CHAT: variants seen among roughly 807,000 people sequenced by gnomAD.
The protein encoded by CHAT is choline O-acetyltransferase.
Under a neutral mutation model 76.9 loss-of-function variants are expected in CHAT, and 61 were observed. The ratio of observed to expected loss-of-function variants is 0.79; its 90% confidence interval spans 0.65 to 0.98. The LOEUF is 0.98. Ranked by LOEUF, CHAT falls within the 50% of genes least tolerant of loss-of-function variation. The pLI is 0.00. For missense variants in CHAT, 946 were observed against 986.9 expected, an observed-to-expected ratio of 0.96 and a Z score of 0.56; for synonymous variants, 407 against 397.4, an observed-to-expected ratio of 1.02 and a Z score of -0.29.
At chr10:49,626,861 G>C (rs1838940083) in intron 6 of CHAT, among the ~76,000 whole-genome samples, 1 of 152,342 alleles carries the variant, frequency 6.6e-6, no homozygotes, top group East Asian at 1.9e-4. Context: ...CAAAACCACA[G>C]GGCTGACATA....
chr10:49,627,808 T>C, intron 7 of CHAT, 23 bp downstream of exon 7: 1 of 1,610,312 alleles, frequency 6.2e-7, no homozygotes, highest in Non-Finnish European at 8.5e-7. Flanking sequence ...GCCCAGCACA[T>C]CTCCATGCCC....
intron 7 of CHAT, among the ~76,000 whole-genome samples, chr10:49,643,999 T>C (rs1355220185): frequency 1.3e-5 from 2 of 152,030 alleles, no homozygotes; most frequent in African/African-American, 2.4e-5. Flanking sequence ...GGGCTGGTGG[T>C]CAGGGATTGG....
At chr10:49,611,013 C>G (rs1309696080), upstream of CHAT, 1 of 1,613,630 alleles carries the variant, frequency 6.2e-7, no homozygotes, top group Admixed American at 1.7e-5. Context: ...CCAATGCCAG[C>G]GCCTACACGG....
chr10:49,632,615 A>T lies in CHAT; in HGVS notation c.1111+4830A>T, dbSNP rs2377875. 1.1e-4 allele frequency among the ~76,000 whole-genome samples: 17 copies of T among 152,190 alleles called. 1 individual carries two copies. The highest frequency in any genetic ancestry group is 6.5e-4 in the Admixed American group (10 of 15,304). ...CCTGGTGGAGGTCTAGACCAAGGAG[A>T]CTGCGCTCAGATGAAACACTTCCCC... On this transcript the variant is annotated intron_variant, in intron 7 of 14. Transcript: ENST00000337653.
Position 49,665,480 on chromosome 10 carries a change from C to T in CHAT, c.*434C>T, listed in dbSNP as rs1211638755. ...TGAGTTAGGAAGGAAGAGGCTAACT[C>T]CAGGTCATTACCTCTTTTCTTTTTT... On this transcript the variant is annotated 3_prime_UTR_variant, in exon 15 of 15. Coordinates refer to ENST00000337653, the MANE Select transcript of CHAT (RefSeq NM_020549.5). Among the ~76,000 whole-genome samples, 2 of 152,114 alleles carry T rather than the reference C, an allele frequency of 1.3e-5. No homozygotes were observed. Among genetic ancestry groups the T allele is most frequent in the East Asian group, 1.9e-4 (1 of 5,176 alleles).
At chr10:49,619,953 C>G in intron 3 of CHAT, 37 bp downstream of exon 3, 1 of 1,582,162 alleles carries the variant, frequency 6.3e-7, no homozygotes, top group Non-Finnish European at 8.6e-7. Context: ...AGAAGAGGGG[C>G]GGGAGGCAGA....
At chr10:49,629,974 T>A (rs533865541) in intron 7 of CHAT, among the ~76,000 whole-genome samples, 1 of 152,162 alleles carries the variant, frequency 6.6e-6, no homozygotes, top group Non-Finnish European at 1.5e-5. Flanking sequence ...CGAGAACAAT[T>A]CCTGGGCTTT....
chr10:49,637,522 TG>T (rs1839335223), intron 7 of CHAT: 1 of 152,220 alleles, frequency 6.6e-6, no homozygotes. Context: ...GGAGATCTGA[TG>T]GTTTAAAAGT....
chr10:49,624,572 C>T (rs1189192736), intron 5 of CHAT, among the ~76,000 whole-genome samples: 1 of 152,216 alleles, frequency 6.6e-6, no homozygotes, highest in East Asian at 1.9e-4. Context: ...CTACTCCCTA[C>T]CTACACATCC....
chr10:49,616,179 G>A, intron 1 of CHAT: 1 of 1,332,702 alleles, frequency 7.5e-7, no homozygotes, highest in Non-Finnish European at 1.1e-6. Flanking sequence ...CAGGAACAAA[G>A]GCAGCACTCT....
At chr10:49,625,905 G>A (rs1279285604) in intron 6 of CHAT, among the ~76,000 whole-genome samples, 3 of 152,088 alleles carry the variant, frequency 2.0e-5, no homozygotes, top group South Asian at 2.1e-4. Context: ...GATGCACTGA[G>A]GGTCATGATC....
chr10:49,622,008 G>T (rs1490702280), intron 4 of CHAT, 89 bp from the exon 5 acceptor site: 3 of 1,457,982 alleles, frequency 2.1e-6, no homozygotes, highest in African/African-American at 1.4e-5. Context: ...GGAAGGAAGA[G>T]GGAAGGAGGG....
chr10:49,610,229 G>C (rs1838253061), upstream of CHAT: 1 of 152,290 alleles, frequency 6.6e-6, no homozygotes, highest in African/African-American at 2.4e-5. Flanking sequence ...TAAGTGGCCC[G>C]GGCACCACTC....
At chr10:49,615,974 A>T in intron 1 of CHAT, 3 of 1,516,838 alleles carry the variant, frequency 2.0e-6, no homozygotes, top group Non-Finnish European at 2.7e-6. Context: ...CAGGGCCTTA[A>T]AGGCCTCCAT....
chr10:49,612,065 T>C (rs1020790928), upstream of CHAT: 14 of 1,613,572 alleles, frequency 8.7e-6, no homozygotes, highest in Middle Eastern at 1.7e-4. Context: ...GCAGGCCACA[T>C]TGTGCACTCG....
intron 4 of CHAT, among the ~76,000 whole-genome samples, chr10:49,620,851 A>G (rs1838681057): frequency 6.6e-6 from 1 of 152,146 alleles, no homozygotes; most frequent in Non-Finnish European, 1.5e-5. Context: ...TGGAATGGAC[A>G]CTCATGGAGG....
At chr10:49,639,525 T>C (rs1246895330) in intron 7 of CHAT, among the ~76,000 whole-genome samples, 1 of 106,128 alleles carries the variant, frequency 9.4e-6, no homozygotes, top group African/African-American at 3.5e-5. Context: ...ATAGAATATA[T>C]ATATAGTATA....
upstream of CHAT, chr10:49,610,508 G>A: frequency 2.3e-6 from 1 of 442,836 alleles, no homozygotes; most frequent in Non-Finnish European, 3.9e-6. Context: ...CCGCCCCTGA[G>A]CCCAGCAGCC....
intron 5 of CHAT, 34 bp from the exon 6 acceptor site, chr10:49,625,439 C>T (rs759603117): frequency 4.4e-6 from 7 of 1,605,460 alleles, no homozygotes; most frequent in African/African-American, 2.7e-5. Flanking sequence ...ACCATCCCCT[C>T]GTGGCTGCCT....
Sources: gnomAD v4.1 joint callset for allele counts (sites outside exome capture counted in the v4.1 genomes callset) on GRCh38, gnomAD v4.1.1 for gene constraint, MANE v1.5 for transcripts, NCBI Gene and HGNC (gene_info 2026-07-23, HGNC 2026-07-21) for gene names.